Variants in CRPPA observed in about 807,000 individuals in gnomAD.
CRPPA encodes D-ribitol-5-phosphate cytidylyltransferase.
Under a neutral mutation model 52.0 loss-of-function variants are expected in CRPPA, and 43 were observed. That is an observed-to-expected ratio of 0.83 (90% CI 0.65 to 1.07). The LOEUF (loss-of-function observed/expected upper bound fraction) is 1.07. CRPPA is among the 50% of genes least tolerant of loss of function. The pLI is 0.00. For synonymous variants in CRPPA, 250 were observed against 203.5 expected, an observed-to-expected ratio of 1.23 and a Z score of -1.94; for missense variants, 629 against 551.7, an observed-to-expected ratio of 1.14 and a Z score of -1.40.
intron 9 of CRPPA, chr7:16,209,215 C>A: frequency 3.3e-6 from 1 of 304,342 alleles, no homozygotes. Flanking sequence ...AAGATGCAAG[C>A]ATTTTGAACT....
At chr7:16,198,487 C>T (rs1272434583) in intron 9 of CRPPA, among the ~76,000 whole-genome samples, 2 of 116,586 alleles carry the variant, frequency 1.7e-5, no homozygotes, top group Non-Finnish European at 3.4e-5. Flanking sequence ...ACACATCCCC[C>T]TCTTTGAGAA....
At chr7:16,156,907 G>A (rs1158003473) in intron 9 of CRPPA, among the ~76,000 whole-genome samples, 4 of 152,148 alleles carry the variant, frequency 2.6e-5, no homozygotes, top group African/African-American at 9.7e-5. Flanking sequence ...GGAAATTTTT[G>A]ATTCAATATA....
At chr7:16,396,924 G>A (rs897844854) in intron 2 of CRPPA, among the ~76,000 whole-genome samples, 6 of 152,092 alleles carry the variant, frequency 3.9e-5, no homozygotes, top group African/African-American at 1.2e-4. Context: ...AATGTGACAT[G>A]TGTAATGAAA....
At position 16,195,106 on chromosome 7, in the gene CRPPA, C is replaced by A. The variant is rs139294914; in HGVS notation, c.1251+20960G>T. 2.7e-3 allele frequency among the ~76,000 whole-genome samples: 411 copies of A among 151,928 alleles called. 2 individuals are homozygous for A. Among genetic ancestry groups the A allele is most frequent in the Middle Eastern group, 6.8e-3 (2 of 294 alleles). ...TTATAATATACAATTCAGAGCCCAA[C>A]CCAAATCAAAGTAAACCACACAATG... On this transcript the variant is annotated intron_variant, in intron 9 of 9. Transcript: ENST00000407010.
At chr7:16,282,689 A>C (rs1034256348) in intron 5 of CRPPA, among the ~76,000 whole-genome samples, 2 of 152,082 alleles carry the variant, frequency 1.3e-5, no homozygotes, top group African/African-American at 4.8e-5. Flanking sequence ...TTAATAGGAG[A>C]CTTTAAAGTT....
intron 1 of CRPPA, among the ~76,000 whole-genome samples, chr7:16,417,287 T>C (rs1267898936): frequency 6.6e-6 from 1 of 152,162 alleles, no homozygotes; most frequent in Non-Finnish European, 1.5e-5. Flanking sequence ...GCAATCTCAT[T>C]AGTGGGTATA....
At chr7:16,394,714 T>C (rs949483826) in intron 2 of CRPPA, among the ~76,000 whole-genome samples, 1 of 152,116 alleles carries the variant, frequency 6.6e-6, no homozygotes, top group Non-Finnish European at 1.5e-5. Flanking sequence ...TTCCACAAAT[T>C]ACTAGGTTCT....
At chr7:16,112,572 C>T (rs1376405581) in intron 9 of CRPPA, among the ~76,000 whole-genome samples, 1 of 152,032 alleles carries the variant, frequency 6.6e-6, no homozygotes, top group Non-Finnish European at 1.5e-5. Context: ...TTCTAGAATA[C>T]TAAGTAACAA....
chr7:16,398,019 A>G (rs1787659233), intron 2 of CRPPA, among the ~76,000 whole-genome samples: 1 of 152,248 alleles, frequency 6.6e-6, no homozygotes, highest in Admixed American at 6.5e-5. Flanking sequence ...TGATTGACAC[A>G]TGATCAACAC....
chr7:16,147,003 G>A (rs534071914), intron 9 of CRPPA, among the ~76,000 whole-genome samples: 16 of 152,076 alleles, frequency 1.1e-4, no homozygotes, highest in Non-Finnish European at 1.9e-4. Context: ...CCAATTCTAC[G>A]CTGCCTGCAA....
At chr7:16,362,448 G>T (rs1786478838) in intron 3 of CRPPA, among the ~76,000 whole-genome samples, 1 of 152,142 alleles carries the variant, frequency 6.6e-6, no homozygotes, top group African/African-American at 2.4e-5. Context: ...ATTGAAGACA[G>T]AACCCTTGTG....
intron 2 of CRPPA, among the ~76,000 whole-genome samples, chr7:16,387,066 T>TATATATATACAC (rs1554352483): frequency 9.2e-5 from 10 of 109,068 alleles, no homozygotes; most frequent in Non-Finnish European, 1.4e-4. Context: ...TATATATATA[T>TATATATATACAC]ATATATATAT....
rs930365128 is a variant in CRPPA at position 16,105,227 on chromosome 7, T to C, written c.1252-13428A>G. ...TCCGCAGACTGGAAGAATATCTTTT[T>C]TTAAACCCCAACACTTGGAAACAAG... On this transcript the variant is annotated intron_variant, in intron 9 of 9. Coordinates refer to ENST00000407010, the MANE Select transcript of CRPPA (RefSeq NM_001101426.4). Among the ~76,000 whole-genome samples the C allele has an allele frequency of 3.3e-5, 5 of 152,318 alleles. No individual in the cohort carries two copies. In the East Asian group the frequency reaches 9.7e-4, roughly 29 times the overall value.
chr7:16,254,833 GAAAGAAAGAA>G (rs1366974128), intron 8 of CRPPA, among the ~76,000 whole-genome samples: 1 of 149,258 alleles, frequency 6.7e-6, no homozygotes, highest in Non-Finnish European at 1.5e-5. Flanking sequence ...AAGAAAGAAA[GAAAGAAAGAA>G]AGAGAAAGAA....
intron 9 of CRPPA, among the ~76,000 whole-genome samples, chr7:16,114,409 G>A (rs1422435088): frequency 2.6e-5 from 4 of 151,714 alleles, no homozygotes; most frequent in Non-Finnish European, 5.9e-5. Context: ...ATCTCAATAA[G>A]CAATTTCTCC....
At chr7:16,339,867 T>C (rs1222911689) in intron 3 of CRPPA, among the ~76,000 whole-genome samples, 1 of 152,080 alleles carries the variant, frequency 6.6e-6, no homozygotes, top group Admixed American at 6.5e-5. Context: ...ACTGTAAAGT[T>C]ACAAAAATAA....
chr7:16,171,679 G>C (rs1781190768), intron 9 of CRPPA, among the ~76,000 whole-genome samples: 2 of 152,164 alleles, frequency 1.3e-5, no homozygotes. Context: ...TGTAGTCCCA[G>C]CTACTCAGGA....
chr7:16,108,024 AT>A (rs1473796872), intron 9 of CRPPA, among the ~76,000 whole-genome samples: 2 of 152,094 alleles, frequency 1.3e-5, no homozygotes, highest in Non-Finnish European at 2.9e-5. Context: ...AAATAAAAGG[AT>A]TCAAAGCATG....
At chr7:16,276,861 A>T (rs1784213784) in intron 6 of CRPPA, 1 of 152,198 alleles carries the variant, frequency 6.6e-6, no homozygotes, top group African/African-American at 2.4e-5. Context: ...TACTAATTCA[A>T]ATTAGATTCT....
Sources: gnomAD v4.1 joint callset for allele counts (sites outside exome capture counted in the v4.1 genomes callset) on GRCh38, gnomAD v4.1.1 for gene constraint, MANE v1.5 for transcripts, NCBI Gene and HGNC (gene_info 2026-07-23, HGNC 2026-07-21) for gene names.